Variants in SORCS1 observed in about 807,000 individuals in gnomAD.
SORCS1 encodes the protein VPS10 domain-containing receptor SorCS1.
SORCS1 carries 60 observed loss-of-function variants against 146.1 expected under a neutral mutation model. The observed-to-expected ratio is 0.41, with a 90% confidence interval of 0.33 to 0.51. The LOEUF is 0.51. Among genes scored for constraint, SORCS1 ranks in the 20% least tolerant of loss-of-function variants. The probability of loss-of-function intolerance (pLI) is 0.21; values close to 1 mark genes in which losing one functional copy is unlikely to be tolerated. For missense variants in SORCS1, 1,352 were observed against 1,487.6 expected, an observed-to-expected ratio of 0.91 and a Z score of 1.50; for synonymous variants, 637 against 584.0, an observed-to-expected ratio of 1.09 and a Z score of -1.31.
intron 3 of SORCS1, among the ~76,000 whole-genome samples, chr10:106,789,957 G>A (rs1277452487): frequency 6.6e-6 from 1 of 152,176 alleles, no homozygotes; most frequent in African/African-American, 2.4e-5. Flanking sequence ...AAGAAGAGGT[G>A]AGCAAGAGGA....
rs144078390 is a variant in SORCS1, at chr10:106,646,910, T to C, written c.2475+5472A>G. 1.2e-3 allele frequency among the ~76,000 whole-genome samples: 181 copies of C among 150,714 alleles called. No homozygotes were observed. The East Asian group carries it at 0.017, about 14-fold the overall frequency. On this transcript the variant is annotated intron_variant, in intron 18 of 25. Coordinates refer to ENST00000263054, the MANE Select transcript of SORCS1 (RefSeq NM_052918.5). ...GTGGGTGGGTGTGTGTCTATATATA[T>C]ATAATATATGCATGTATATATGTTT...
intron 5 of SORCS1, among the ~76,000 whole-genome samples, chr10:106,746,077 A>G (rs775259354): frequency 3.9e-5 from 6 of 152,170 alleles, no homozygotes; most frequent in African/African-American, 1.4e-4. Context: ...AGGAACTCCT[A>G]TGGATTTGAA....
chr10:107,028,770 A>C (rs1264620868), intron 1 of SORCS1, among the ~76,000 whole-genome samples: 1 of 152,170 alleles, frequency 6.6e-6, no homozygotes, highest in African/African-American at 2.4e-5. Flanking sequence ...TTCATCTGTA[A>C]GCAATTCAGT....
chr10:106,824,464 C>T (rs191469140), intron 3 of SORCS1, among the ~76,000 whole-genome samples: 120 of 151,922 alleles, frequency 7.9e-4, no homozygotes, highest in Non-Finnish European at 1.4e-3. Flanking sequence ...GTAGTAGACG[C>T]CTGTAATCCC....
intron 1 of SORCS1, among the ~76,000 whole-genome samples, chr10:107,142,351 T>C (rs1014351748): frequency 1.3e-5 from 2 of 152,204 alleles, no homozygotes; most frequent in Non-Finnish European, 2.9e-5. Context: ...AAGAAGCAGC[T>C]AAAACCACAA....
Position 107,012,591 on chromosome 10 carries a change from A to G in SORCS1, c.559-56011T>C, listed in dbSNP as rs190154729. Among the ~76,000 whole-genome samples, 12 of 152,304 alleles carry G rather than the reference A, an allele frequency of 7.9e-5. 1 individual carries two copies. The highest frequency in any genetic ancestry group is 2.6e-4 in the African/African-American group (11 of 41,572). ...GACATGAAGAGGTTAAGGAACCTGC[A>G]CAGAGAGGTGAAGTTACTTGTCCAG... On this transcript the variant is annotated intron_variant, in intron 1 of 25. Transcript: ENST00000263054.
the SORCS1 span, among the ~76,000 whole-genome samples, chr10:107,177,737 T>C: frequency 6.6e-6 from 1 of 152,238 alleles, no homozygotes; most frequent in Admixed American, 6.5e-5. Flanking sequence ...TTTCTTTGTG[T>C]TGGGAACATT....
chr10:106,889,351 T>C (rs74152260), intron 2 of SORCS1, among the ~76,000 whole-genome samples: 6,123 of 152,154 alleles, frequency 0.04, 319 homozygotes, highest in African/African-American at 0.11. Flanking sequence ...CCAAATGTGC[T>C]CCACTGACCA....
chr10:106,823,013 C>T (rs1288982246), intron 3 of SORCS1, among the ~76,000 whole-genome samples: 2 of 151,954 alleles, frequency 1.3e-5, no homozygotes, highest in Non-Finnish European at 2.9e-5. Context: ...AAACTCCCGA[C>T]CTCAGGTGAT....
At chr10:106,715,972 C>G (rs1403063674) in intron 6 of SORCS1, among the ~76,000 whole-genome samples, 1 of 152,032 alleles carries the variant, frequency 6.6e-6, no homozygotes, top group African/African-American at 2.4e-5. Context: ...AGGCTGGTCT[C>G]GAACTCCTGA....
At chr10:107,003,895 G>C (rs998966548) in intron 1 of SORCS1, among the ~76,000 whole-genome samples, 4 of 152,096 alleles carry the variant, frequency 2.6e-5, no homozygotes, top group Non-Finnish European at 5.9e-5. Flanking sequence ...AGAGAATACG[G>C]CTGGGTGCGG....
chr10:106,908,000 A>G (rs1278181649), intron 2 of SORCS1, among the ~76,000 whole-genome samples: 1 of 152,140 alleles, frequency 6.6e-6, no homozygotes, highest in African/African-American at 2.4e-5. Context: ...CCTTTCTCTG[A>G]CATCTTAAAA....
the SORCS1 span, among the ~76,000 whole-genome samples, chr10:107,170,236 C>T: frequency 7.9e-5 from 12 of 152,242 alleles, 1 homozygote; most frequent in East Asian, 2.3e-3. Context: ...CTTTGATGTA[C>T]TAAATCACGA....
rs532940789 is a variant in SORCS1 at position 106,721,300 on chromosome 10, A to T, written c.1024+8750T>A. ...ACTAAAAAAAAGATAAAGGAAGACT[A>T]TGAAATGCGGGGTCTAATAATGGCA... On this transcript the variant is annotated intron_variant, in intron 6 of 25. Transcript: ENST00000263054. Among the ~76,000 whole-genome samples, 151 of 152,250 alleles carry T rather than the reference A, an allele frequency of 9.9e-4. 3 individuals carry two copies. In the South Asian group the frequency reaches 0.028, roughly 29 times the overall value.
intron 2 of SORCS1, among the ~76,000 whole-genome samples, chr10:106,911,283 T>C (rs1337494274): frequency 6.6e-6 from 1 of 152,180 alleles, no homozygotes; most frequent in Non-Finnish European, 1.5e-5. Flanking sequence ...AGCTCCCTGG[T>C]TGATGTGTCT....
chr10:106,662,545 C>A (rs1850812460), intron 17 of SORCS1, among the ~76,000 whole-genome samples: 1 of 152,158 alleles, frequency 6.6e-6, no homozygotes, highest in Non-Finnish European at 1.5e-5. Context: ...GATTCCTTTG[C>A]ACTTCATCCC....
At chr10:106,583,061 C>T (rs971045035) in intron 24 of SORCS1, among the ~76,000 whole-genome samples, 2 of 152,184 alleles carry the variant, frequency 1.3e-5, no homozygotes, top group Admixed American at 6.5e-5. Flanking sequence ...AATTAAATCT[C>T]AGTTTCCTCA....
intron 1 of SORCS1, among the ~76,000 whole-genome samples, chr10:107,054,734 G>A (rs1703419858): frequency 6.6e-6 from 1 of 152,186 alleles, no homozygotes; most frequent in East Asian, 1.9e-4. Context: ...CACAGGGCAT[G>A]AGCTATGCTA....
At chr10:107,036,219 G>A (rs965213352) in intron 1 of SORCS1, among the ~76,000 whole-genome samples, 1 of 151,932 alleles carries the variant, frequency 6.6e-6, no homozygotes, top group Non-Finnish European at 1.5e-5. Context: ...AAAATAATAT[G>A]AATAAAAATA....
Sources: gnomAD v4.1 joint callset for allele counts (sites outside exome capture counted in the v4.1 genomes callset) on GRCh38, gnomAD v4.1.1 for gene constraint, MANE v1.5 for transcripts, NCBI Gene and HGNC (gene_info 2026-07-23, HGNC 2026-07-21) for gene names.